Variants in CELA3A observed in about 807,000 individuals in gnomAD.
CELA3A encodes the protein chymotrypsin-like elastase family member 3A.
A neutral mutation model predicts 38.6 loss-of-function variants in CELA3A; 35 were observed. The ratio of observed to expected loss-of-function variants is 0.91; its 90% CI spans 0.69 to 1.20. The LOEUF is 1.20. CELA3A is among the 50% of genes most tolerant of loss of function. CELA3A has a pLI of 0.00. For synonymous variants in CELA3A, 143 were observed against 136.7 expected (o/e 1.05, Z -0.32); for missense variants, 343 against 354.2 (o/e 0.97, Z 0.25).
rs1055992807 is a variant in CELA3A at position 22,007,425 on chromosome 1, C to G, written c.552C>G (p.Asp184Glu). The G allele has an allele frequency of 4.3e-6, 7 of 1,612,464 alleles. No homozygotes were observed. In the African/African-American group the frequency reaches 9.4e-5, roughly 22 times the overall value. The change falls in exon 6 of 8, where the codon GAC becomes GAG. Residue 184 changes from aspartate to glutamate, a missense_variant. Coordinates refer to ENST00000290122, the MANE Select transcript of CELA3A (RefSeq NM_005747.5). ...AGCAGGCCCGGCTGCCCGTGGTGGA[C>G]TATAAGCACTGCTCCAGGTGGAACT... is the stretch of plus-strand genomic sequence containing the variant. ...KLQQARLPVV[D>E]YKHCSRWNWW... is the part of the protein sequence containing the mutation.
intron 2 of CELA3A, among the ~76,000 whole-genome samples, chr1:22,003,645 C>T (rs1003459208): frequency 1.3e-5 from 2 of 150,398 alleles, no homozygotes; most frequent in African/African-American, 4.9e-5. Context: ...TGCACCACTG[C>T]ACTCCAGCCC....
At chr1:22,005,085 A>G (rs1318754101) in intron 2 of CELA3A, among the ~76,000 whole-genome samples, 2 of 149,468 alleles carry the variant, frequency 1.3e-5, no homozygotes, top group Non-Finnish European at 3.0e-5. Flanking sequence ...GGGGAACAAG[A>G]GCAAAACTCC....
chr1:22,008,079 G>A (rs1396967214), intron 6 of CELA3A, among the ~76,000 whole-genome samples: 4 of 150,380 alleles, frequency 2.7e-5, no homozygotes, highest in Non-Finnish European at 4.4e-5. Flanking sequence ...GTTTGAGCCT[G>A]GGAGTTCAAG....
intron 6 of CELA3A, among the ~76,000 whole-genome samples, chr1:22,008,907 T>C (rs1258947702): frequency 6.6e-6 from 1 of 151,968 alleles, no homozygotes; most frequent in African/African-American, 2.4e-5. Flanking sequence ...TCATCTCATG[T>C]AATTCCCTAG....
intron 2 of CELA3A, among the ~76,000 whole-genome samples, chr1:22,003,328 A>G (rs1220082198): frequency 6.6e-6 from 1 of 151,138 alleles, no homozygotes; most frequent in Non-Finnish European, 1.5e-5. Context: ...GCTAAACTCA[A>G]GGAGTTGGCA....
chr1:22,004,051 TTTTTCTTTTC>T (rs755643937), intron 2 of CELA3A, among the ~76,000 whole-genome samples: 2 of 144,610 alleles, frequency 1.4e-5, no homozygotes, highest in Non-Finnish European at 3.0e-5. Flanking sequence ...CCTCAGTGCT[TTTTTCTTTTC>T]TTTTCTTTTC....
Position 22,003,082 on chromosome 1 carries a change from C to G in CELA3A, c.123C>G (p.Pro41=), listed in dbSNP as rs1210655899. 6.3e-7 allele frequency: 1 copy of G among 1,578,704 alleles called. No individual in the cohort carries two copies. Among genetic ancestry groups the G allele is most frequent in the East Asian group, 2.4e-5 (1 of 42,018 alleles). The change falls in exon 2 of 8, where the codon CCC becomes CCG. Residue 41 remains proline (P), a synonymous_variant. Transcript: ENST00000290122. ...AGGATGCGGTCCCCTACAGCTGGCCCTGGCAGGTAAGAGCAATAGCAGCTG... is the reference window on the plus strand; with the variant it reads ...AGGATGCGGTCCCCTACAGCTGGCCGTGGCAGGTAAGAGCAATAGCAGCTG... The part of the protein sequence containing the change: ...HGEDAVPYSW[P]WQVSLQYEKS...
intron 1 of CELA3A, among the ~76,000 whole-genome samples, chr1:22,001,975 G>A (rs1044270123): frequency 2.4e-4 from 36 of 150,950 alleles, no homozygotes; most frequent in African/African-American, 4.9e-5. Context: ...AAAGTCAAAC[G>A]GTTAAGAGTT....
Position 22,006,826 on chromosome 1 carries a change from G to A in CELA3A, c.363-52G>A. ...AGCCTGGAGCAACGGCTAGAAGGTA[G>A]GACTTGGGCCGGCTGGAGGACCAGG... On this transcript the variant is annotated intron_variant, in intron 4 of 7. Coordinates refer to ENST00000290122, the MANE Select transcript of CELA3A (RefSeq NM_005747.5). The A allele has an allele frequency of 3.8e-6, 6 of 1,597,096 alleles. No individual in the cohort carries two copies. The Admixed American group carries it at 1.0e-4, about 27-fold the overall frequency.
intron 1 of CELA3A, 73 bp from the exon 2 acceptor site, chr1:22,002,930 G>C (rs1317551969): frequency 7.2e-7 from 1 of 1,386,284 alleles, no homozygotes; most frequent in African/African-American, 1.7e-5. Flanking sequence ...GGCATGGCTT[G>C]GACTGGGACC....
At chr1:22,009,581 AT>A in intron 6 of CELA3A, 123 bp from the exon 7 acceptor site, 1 of 1,222,358 alleles carries the variant, frequency 8.2e-7, no homozygotes, top group Non-Finnish European at 1.1e-6. Flanking sequence ...TGATAAAAAA[AT>A]GAGCGAGCTA....
rs1428255799 is a variant in CELA3A at position 22,007,015 on chromosome 1, G to T, written c.499+1G>T. The T allele has an allele frequency of 6.2e-7, 1 of 1,612,216 alleles. No individual in the cohort carries two copies. Among genetic ancestry groups the T allele is most frequent in the East Asian group, 2.2e-5 (1 of 44,702 alleles). The stretch of plus-strand genomic sequence containing the variant: ...ATCACCGGCTGGGGCCGTCTCTATA[G>T]TACGTGCTGACTTCTCTAGCTGGCC... On this transcript the variant is annotated splice_donor_variant, in intron 5 of 7. Coordinates refer to ENST00000290122, the MANE Select transcript of CELA3A (RefSeq NM_005747.5). LOFTEE classifies it high-confidence loss of function.
Position 22,009,879 on chromosome 1 carries a change from G to A in CELA3A, c.795+22G>A, listed in dbSNP as rs776328078. 41 of 1,606,540 alleles carry A rather than the reference G, an allele frequency of 2.6e-5. 1 individual carries two copies. In the Middle Eastern group the frequency reaches 1.8e-3, roughly 71 times the overall value. ...GGAGGTGAGGAGGGCAGGGCGGCCC[G>A]GAGGGCTTTAGGGTGGTGGCTCTTC... On this transcript the variant is annotated intron_variant, in intron 7 of 7. Coordinates refer to ENST00000290122, the MANE Select transcript of CELA3A (RefSeq NM_005747.5).
intron 5 of CELA3A, 111 bp from the exon 6 acceptor site, chr1:22,007,262 A>G: frequency 6.9e-7 from 1 of 1,442,910 alleles, no homozygotes; most frequent in Non-Finnish European, 9.4e-7. Context: ...AGCGGGTGGG[A>G]GGAGAGTCCT....
chr1:22,010,232 G>C lies in CELA3A; in HGVS notation c.795+375G>C, dbSNP rs187324218. 8.0e-6 allele frequency: 3 copies of C among 376,322 alleles called. 1 individual carries two copies. In the East Asian group the frequency reaches 2.2e-4, roughly 28 times the overall value. 23.3% of individuals were successfully genotyped at this position (376,322 alleles called of 1,614,324 possible). A position where few individuals can be genotyped will look rare whatever the true frequency, so the allele number is the denominator to read the frequency against. On this transcript the variant is annotated intron_variant, in intron 7 of 7. Coordinates refer to ENST00000290122, the MANE Select transcript of CELA3A (RefSeq NM_005747.5). ...ATGCAGTCTGATGAGAGCCGAGAGA[G>C]GGGAGTCCAGGCCCCAGACTTCATC...
rs761577387 is a variant in CELA3A, at chr1:22,005,508, C to T, written c.191C>T (p.Ala64Val). The change falls in exon 3 of 8, where the codon GCC (alanine) becomes GTC (valine). Residue 64 changes from alanine (A) to valine (V), a missense_variant. By Grantham distance (64) the Ala-to-Val change is moderately conservative (BLOSUM62 0). Transcript: ENST00000290122. ...CACACGTGTGGCGGTAGCCTCATCG[C>T]CCCCGATTGGGTTGTGACTGCCGGC... ...FYHTCGGSLI[A>V]PDWVVTAGHC... 20 of 1,612,968 alleles carry T rather than the reference C, an allele frequency of 1.2e-5. No homozygotes were observed. In the African/African-American group the frequency reaches 1.9e-4, roughly 15 times the overall value.
rs754960036 is a variant in CELA3A at position 22,007,431 on chromosome 1, G to A, written c.558G>A (p.Lys186=). The A allele has an allele frequency of 1.1e-5, 17 of 1,612,472 alleles. 2 individuals are homozygous for A. Among genetic ancestry groups the A allele is most frequent in the Middle Eastern group, 3.3e-4 (2 of 6,082 alleles). The stretch of plus-strand genomic sequence containing the variant: ...CCCGGCTGCCCGTGGTGGACTATAA[G>A]CACTGCTCCAGGTGGAACTGGTGGG... ...QQARLPVVDY[K]HCSRWNWWGS... Residue 186 remains lysine (K), a synonymous_variant, in exon 6 of 8, where the codon AAG becomes AAA. Coordinates refer to ENST00000290122, the MANE Select transcript of CELA3A (RefSeq NM_005747.5).
intron 2 of CELA3A, among the ~76,000 whole-genome samples, chr1:22,004,510 G>A (rs1327471951): frequency 6.6e-6 from 1 of 151,028 alleles, no homozygotes; most frequent in Non-Finnish European, 1.5e-5. Flanking sequence ...TAAATGGCCA[G>A]AGAGTGAATA....
At position 22,006,968 on chromosome 1, in the gene CELA3A, T is replaced by A; in HGVS notation, c.453T>A (p.Leu151=). 1.9e-6 allele frequency: 3 copies of A among 1,612,332 alleles called. No homozygotes were observed. Among genetic ancestry groups the A allele is most frequent in the South Asian group, 2.2e-5 (2 of 91,000 alleles). The change falls in exon 5 of 8, where the codon CTT becomes CTA. Residue 151 remains leucine (L), a synonymous_variant. Transcript: ENST00000290122. ...LASLPPAGDI[L]PNKTPCYITG... is the part of the protein sequence containing the mutation. ...CACTCCCTCCCGCTGGTGACATCCTTCCCAACAAGACACCCTGCTACATCA... is the reference window on the plus strand; with the variant it reads ...CACTCCCTCCCGCTGGTGACATCCTACCCAACAAGACACCCTGCTACATCA...
Sources: gnomAD v4.1 joint callset for allele counts (sites outside exome capture counted in the v4.1 genomes callset) on GRCh38, gnomAD v4.1.1 for gene constraint, MANE v1.5 for transcripts, NCBI Gene and HGNC (gene_info 2026-07-23, HGNC 2026-07-21) for gene names.